Variants in PRKAA2 observed in about 807,000 individuals in gnomAD.
PRKAA2 encodes the protein 5'-AMP-activated protein kinase catalytic subunit alpha-2.
Under a neutral mutation model 56.3 loss-of-function variants are expected in PRKAA2, and 40 were observed. The ratio of observed to expected loss-of-function variants is 0.71; its 90% confidence interval spans 0.55 to 0.92. The LOEUF is 0.92. PRKAA2 is among the 40% of genes least tolerant of loss of function. PRKAA2 has a pLI of 0.00. For synonymous variants in PRKAA2, 214 were observed against 234.2 expected (o/e 0.91, Z 0.79); for missense variants, 542 against 686.9 (o/e 0.79, Z 2.36).
chr1:56,701,384 G>A (rs1644292505), intron 6 of PRKAA2, among the ~76,000 whole-genome samples: 1 of 151,290 alleles, frequency 6.6e-6, no homozygotes, highest in African/African-American at 2.4e-5. Context: ...GACAGAGCGA[G>A]ACTCCATCTC....
chr1:56,693,188 A>G (rs2143754), intron 4 of PRKAA2, among the ~76,000 whole-genome samples: 81,013 of 151,974 alleles, frequency 0.53, 22,086 homozygotes, highest in African/African-American at 0.64. Context: ...CTAAAAACCT[A>G]GAAACTACTT....
rs142155496 is a variant in PRKAA2, at chr1:56,704,874, G to C, written c.1293+399G>C. On this transcript the variant is annotated intron_variant, in intron 7 of 8. Transcript: ENST00000371244. ...AGGCAGGTGGCTGTAATAGCTAGTG[G>C]TTGATACAAATTATATCATCAGGAC... Among the ~76,000 whole-genome samples, 16 of 151,748 alleles carry C rather than the reference G, an allele frequency of 1.1e-4. No individual in the cohort carries two copies. In the East Asian group the frequency reaches 2.9e-3, roughly 28 times the overall value.
In PRKAA2 at chr1:56,694,125, G is replaced by A. The variant is rs552532499; in HGVS notation, c.563+273G>A. Among the ~76,000 whole-genome samples the A allele has an allele frequency of 1.4e-4, 21 of 152,256 alleles. No individual in the cohort carries two copies. The South Asian group carries it at 4.4e-3, about 32-fold the overall frequency. On this transcript the variant is annotated intron_variant, in intron 5 of 8. Coordinates refer to ENST00000371244, the MANE Select transcript of PRKAA2 (RefSeq NM_006252.4). ...ATATCTTTCATTTTACAAAAGTGCA[G>A]ATAAGAGAGTAAGAATTTGCTAAAT...
intron 2 of PRKAA2, among the ~76,000 whole-genome samples, chr1:56,683,404 T>A (rs1426205047): frequency 1.3e-5 from 2 of 151,954 alleles, no homozygotes; most frequent in African/African-American, 4.8e-5. Context: ...AGAATGAAAG[T>A]GTGAGGAATA....
chr1:56,698,643 A>C (rs1644274585), intron 6 of PRKAA2, among the ~76,000 whole-genome samples: 1 of 152,166 alleles, frequency 6.6e-6, no homozygotes, highest in African/African-American at 2.4e-5. Context: ...TGTGATATCT[A>C]TCCTTTCAAT....
At chr1:56,666,338 C>T (rs1291955972) in intron 1 of PRKAA2, among the ~76,000 whole-genome samples, 1 of 152,146 alleles carries the variant, frequency 6.6e-6, no homozygotes, top group East Asian at 1.9e-4. Context: ...TAGGTAATTA[C>T]AGCACTTGAT....
chr1:56,675,075 T>C (rs1251390250), intron 2 of PRKAA2, among the ~76,000 whole-genome samples: 1 of 152,086 alleles, frequency 6.6e-6, no homozygotes, highest in Non-Finnish European at 1.5e-5. Flanking sequence ...ACTTAAAAGT[T>C]AGGTAAATAT....
chr1:56,665,704 TTGTC>T (rs1262883593), intron 1 of PRKAA2, among the ~76,000 whole-genome samples: 1 of 152,204 alleles, frequency 6.6e-6, no homozygotes, highest in African/African-American at 2.4e-5. Context: ...ATACATGGCA[TTGTC>T]TGTCTTTTTT....
intron 6 of PRKAA2, among the ~76,000 whole-genome samples, chr1:56,702,050 T>C (rs1037250273): frequency 2.0e-5 from 3 of 152,266 alleles, no homozygotes; most frequent in East Asian, 1.9e-4. Context: ...ACTTGGACTA[T>C]TGCAACTAGC....
rs184606711 is a variant in PRKAA2, at chr1:56,695,499, C to A, written c.564-436C>A. Among the ~76,000 whole-genome samples the A allele has an allele frequency of 7.9e-5, 12 of 152,060 alleles. No individual in the cohort carries two copies. In the East Asian group the frequency reaches 2.1e-3, roughly 27 times the overall value. ...AGCTACCGTGACCAGCCTTAATATT[C>A]TTTAAAGGTGTGCCAGGGGTAGAAA... On this transcript the variant is annotated intron_variant, in intron 5 of 8. Transcript: ENST00000371244.
chr1:56,675,615 G>GA (rs1367243996), intron 2 of PRKAA2, among the ~76,000 whole-genome samples: 2 of 151,856 alleles, frequency 1.3e-5, no homozygotes, highest in African/African-American at 2.4e-5. Context: ...TCCTTTTAAA[G>GA]AAAAAATAAA....
intron 1 of PRKAA2, among the ~76,000 whole-genome samples, chr1:56,661,689 C>CAT (rs1437975470): frequency 6.6e-6 from 1 of 151,530 alleles, no homozygotes. Flanking sequence ...AATTTAAAAC[C>CAT]ATATATATAA....
rs958157825 is a variant in PRKAA2 at position 56,711,403 on chromosome 1, T to G, written c.*3690T>G. On this transcript the variant is annotated 3_prime_UTR_variant, in exon 9 of 9. Coordinates refer to ENST00000371244, the MANE Select transcript of PRKAA2 (RefSeq NM_006252.4). Reference sequence around the variant, plus strand: ...CTGAGTTAATGTAGGCACCTCACTTTGGATTTATAAAATGTAAAAACCTGG... The same window carrying G: ...CTGAGTTAATGTAGGCACCTCACTTGGGATTTATAAAATGTAAAAACCTGG... 1 of 152,144 alleles carries G rather than the reference T, an allele frequency of 6.6e-6. No homozygotes were observed. The highest frequency in any genetic ancestry group is 2.4e-5 in the African/African-American group (1 of 41,444). 9.4% of individuals were successfully genotyped at this position (152,144 alleles called of 1,614,324 possible).
intron 1 of PRKAA2, among the ~76,000 whole-genome samples, chr1:56,661,094 A>G (rs1643990031): frequency 6.6e-6 from 1 of 152,050 alleles, no homozygotes; most frequent in Non-Finnish European, 1.5e-5. Context: ...TTTTGACATG[A>G]ATGAGTTAAG....
chr1:56,706,030 T>A, intron 7 of PRKAA2, 62 bp from the exon 8 acceptor site: 1 of 1,436,976 alleles, frequency 7.0e-7, no homozygotes, highest in Non-Finnish European at 9.5e-7. Flanking sequence ...TTGTTTTGAC[T>A]TTTTTTGCAT....
rs550960426 is a variant in PRKAA2 at position 56,691,698 on chromosome 1, A to G, written c.330+211A>G. Reference sequence around the variant, plus strand: ...GAAAATATGTTTCACTTAATTGCCAACATGATGCGTATGCTTTTTAAAATC... The same window carrying G: ...GAAAATATGTTTCACTTAATTGCCAGCATGATGCGTATGCTTTTTAAAATC... On this transcript the variant is annotated intron_variant, in intron 3 of 8. Coordinates refer to ENST00000371244, the MANE Select transcript of PRKAA2 (RefSeq NM_006252.4). 2.0e-5 allele frequency among the ~76,000 whole-genome samples: 3 copies of G among 152,360 alleles called. No homozygotes were observed. The East Asian group carries it at 5.8e-4, about 29-fold the overall frequency.
intron 2 of PRKAA2, among the ~76,000 whole-genome samples, chr1:56,681,839 G>C (rs947111051): frequency 1.3e-5 from 2 of 152,138 alleles, no homozygotes; most frequent in Admixed American, 1.3e-4. Flanking sequence ...GGCAATGTGG[G>C]CTCTTTTTTG....
rs1557565736 is a variant in PRKAA2 at position 56,707,553 on chromosome 1, C to T, written c.1499C>T (p.Ser500Leu). Residue 500 changes from serine to leucine, a missense_variant, in exon 9 of 9, where the codon TCA becomes TTA. Transcript: ENST00000371244. ...CSAAGLHRPR[S>L]SFDSTTAESH... ...GCTGCTGGCTTACACAGACCAAGATCAAGTTTTGATTCCACAACTGCAGAG... is the reference window on the plus strand; with the variant it reads ...GCTGCTGGCTTACACAGACCAAGATTAAGTTTTGATTCCACAACTGCAGAG... 1.2e-6 allele frequency: 2 copies of T among 1,614,160 alleles called. No individual in the cohort carries two copies. The highest frequency in any genetic ancestry group is 1.7e-6 in the Non-Finnish European group (2 of 1,180,018).
chr1:56,707,857 A>T lies in PRKAA2; in HGVS notation c.*144A>T. Reference sequence around the variant, plus strand: ...AGGGGCACACAATGCTATTGAAATTACTGAAAACAAAATATCTGACATCTT... The same window carrying T: ...AGGGGCACACAATGCTATTGAAATTTCTGAAAACAAAATATCTGACATCTT... On this transcript the variant is annotated 3_prime_UTR_variant, in exon 9 of 9. Coordinates refer to ENST00000371244, the MANE Select transcript of PRKAA2 (RefSeq NM_006252.4). The T allele has an allele frequency of 1.3e-6, 1 of 769,594 alleles. No homozygotes were observed. The allele number at this position is 769,594 out of a possible 1,614,324, so 47.7% of individuals were successfully genotyped here.
Sources: gnomAD v4.1 joint callset for allele counts (sites outside exome capture counted in the v4.1 genomes callset) on GRCh38, gnomAD v4.1.1 for gene constraint, MANE v1.5 for transcripts, NCBI Gene and HGNC (gene_info 2026-07-23, HGNC 2026-07-21) for gene names.